The following MYDGF variants were observed in gnomAD, a reference collection of about 807,000 sequenced individuals.
The protein encoded by MYDGF is myeloid-derived growth factor.
MYDGF carries 29 observed loss-of-function variants against 24.2 expected under a neutral mutation model. The ratio of observed to expected loss-of-function variants is 1.20; its 90% CI spans 0.89 to 1.63. The LOEUF (loss-of-function observed/expected upper bound fraction) is 1.63, where lower values mean the gene tolerates loss of function less well. Ranked by LOEUF, MYDGF falls within the 40% of genes most tolerant of loss-of-function variation. The probability of loss-of-function intolerance (pLI) is 0.00; values close to 1 mark genes in which losing one functional copy is unlikely to be tolerated. For missense variants in MYDGF, 245 were observed against 234.8 expected (o/e 1.04, Z -0.29); for synonymous variants, 105 against 102.5 (o/e 1.02, Z -0.15).
intron 3 of MYDGF, among the ~76,000 whole-genome samples, chr19:4,664,416 G>A (rs571131825): frequency 6.6e-6 from 1 of 151,828 alleles, no homozygotes; most frequent in South Asian, 2.1e-4. Flanking sequence ...CTTGAACCCA[G>A]GAGGCGGAGG....
At chr19:4,668,489 T>G (rs1012526654) in intron 2 of MYDGF, 106 bp downstream of exon 2, 1 of 901,922 alleles carries the variant, frequency 1.1e-6, no homozygotes, top group African/African-American at 1.6e-5. Flanking sequence ...ATTCAATGAG[T>G]GTAAGGTGAT....
In MYDGF at chr19:4,670,267, G is replaced by A. The variant is rs778033982; in HGVS notation, c.68C>T (p.Ala23Val). The A allele has an allele frequency of 2.6e-6, 4 of 1,551,032 alleles. No individual in the cohort carries two copies. Among genetic ancestry groups the A allele is most frequent in the East Asian group, 2.6e-5 (1 of 38,608 alleles). The change falls in exon 1 of 6, where the codon GCC (alanine) becomes GTC (valine). Residue 23 changes from alanine to valine, a missense_variant. Ala to Val is a moderately conservative substitution (Grantham distance 64). Coordinates refer to ENST00000262947, the MANE Select transcript of MYDGF (RefSeq NM_019107.4). Reference protein sequence around the residue: ...ASLWAALLLGAVALRPAEAVS... With the variant: ...ASLWAALLLGVVALRPAEAVS... ...CGCCTCCGCCGGCCTCAGCGCCACG[G>A]CCCCTAGGAGCAGCGCGGCCCACAA...
chr19:4,660,587 G>A, intron 4 of MYDGF, 82 bp downstream of exon 4: 1 of 1,298,790 alleles, frequency 7.7e-7, no homozygotes, highest in Non-Finnish European at 1.1e-6. Flanking sequence ...TCCCCATGGA[G>A]CCCTCTTGTG....
At chr19:4,669,738 T>C (rs1568289011) in intron 1 of MYDGF, among the ~76,000 whole-genome samples, 2 of 152,132 alleles carry the variant, frequency 1.3e-5, no homozygotes, top group East Asian at 1.9e-4. Context: ...CCTTGTGCAA[T>C]GGAAGGAAGG....
chr19:4,660,136 T>C (rs1207476197), intron 4 of MYDGF, 133 bp from the exon 5 acceptor site: 4 of 885,936 alleles, frequency 4.5e-6, no homozygotes, highest in Admixed American at 4.2e-5. Context: ...GGAGACTTTT[T>C]TGTTTTTGAG....
At chr19:4,660,789 T>G (rs2088464607) in intron 3 of MYDGF, 39 bp from the exon 4 acceptor site, 1 of 1,575,572 alleles carries the variant, frequency 6.3e-7, no homozygotes. Context: ...AGGCCAGGCC[T>G]GCTGGGTCTG....
chr19:4,662,525 G>A (rs554945496), intron 3 of MYDGF, among the ~76,000 whole-genome samples: 3 of 152,202 alleles, frequency 2.0e-5, no homozygotes, highest in Non-Finnish European at 1.5e-5. Context: ...GAGTGGAGCC[G>A]GGATAAGCCC....
intron 2 of MYDGF, among the ~76,000 whole-genome samples, chr19:4,667,793 G>C (rs1158967965): frequency 6.6e-6 from 1 of 151,950 alleles, no homozygotes; most frequent in East Asian, 1.9e-4. Flanking sequence ...GACCTCCTGG[G>C]CTCAAGCGAT....
At chr19:4,670,116 C>A in intron 1 of MYDGF, 45 bp downstream of exon 1, 2 of 1,434,958 alleles carry the variant, frequency 1.4e-6, no homozygotes, top group Non-Finnish European at 9.2e-7. Flanking sequence ...GCCCCCTCCC[C>A]GGGCCTGCCA....
At chr19:4,663,240 TC>T (rs1330835862) in intron 3 of MYDGF, among the ~76,000 whole-genome samples, 3 of 34,728 alleles carry the variant, frequency 8.6e-5, no homozygotes, top group East Asian at 9.4e-4. Flanking sequence ...CAATCTACCC[TC>T]CCCACCCACC....
chr19:4,664,537 C>T lies in MYDGF; in HGVS notation c.287+339G>A, dbSNP rs570120129. On this transcript the variant is annotated intron_variant, in intron 3 of 5. Coordinates refer to ENST00000262947, the MANE Select transcript of MYDGF (RefSeq NM_019107.4). ...CCAAAAAGCCCTTTGGTGAGTTCGTCTCACCCTTAGGGGAGGGTGGAGCCC... is the reference window on the plus strand; with the variant it reads ...CCAAAAAGCCCTTTGGTGAGTTCGTTTCACCCTTAGGGGAGGGTGGAGCCC... 1.3e-4 allele frequency among the ~76,000 whole-genome samples: 20 copies of T among 152,052 alleles called. 1 individual carries two copies. The highest frequency in any genetic ancestry group is 4.8e-4 in the African/African-American group (20 of 41,500).
Position 4,670,214 on chromosome 19 carries a change from C to G in MYDGF, c.121G>C (p.Asp41His). ...TGCACGACGCCGCCGGGCCGCACGTCAAACGCCACCGTCGTGGGCTCGGAC... is the reference window on the plus strand; with the variant it reads ...TGCACGACGCCGCCGGGCCGCACGTGAAACGCCACCGTCGTGGGCTCGGAC... ...AVSEPTTVAF[D>H]VRPGGVVHSF... Residue 41 changes from aspartate (D) to histidine (H), a missense_variant, in exon 1 of 6, where the codon GAC becomes CAC. Coordinates refer to ENST00000262947, the MANE Select transcript of MYDGF (RefSeq NM_019107.4). The G allele has an allele frequency of 6.4e-7, 1 of 1,564,546 alleles. No individual in the cohort carries two copies. The highest frequency in any genetic ancestry group is 8.6e-7 in the Non-Finnish European group (1 of 1,158,616).
chr19:4,661,567 C>T lies in MYDGF; in HGVS notation c.288-817G>A, dbSNP rs545224314. Among the ~76,000 whole-genome samples, 8 of 151,474 alleles carry T rather than the reference C, an allele frequency of 5.3e-5. No individual in the cohort carries two copies. The East Asian group carries it at 9.7e-4, about 18-fold the overall frequency. ...AAGGAACTGGAGTGGCAGAAGGTGT[C>T]GGAAGGTGACAGCAGGGGATGATGG... On this transcript the variant is annotated intron_variant, in intron 3 of 5. Coordinates refer to ENST00000262947, the MANE Select transcript of MYDGF (RefSeq NM_019107.4).
At chr19:4,663,300 T>C (rs1345775228) in intron 3 of MYDGF, among the ~76,000 whole-genome samples, 3 of 111,460 alleles carry the variant, frequency 2.7e-5, no homozygotes, top group African/African-American at 1.2e-4. Context: ...ACCCATCCCA[T>C]CCTCATTCTA....
Position 4,670,270 on chromosome 19 carries a change from C to A in MYDGF, c.65G>T (p.Gly22Val). The A allele has an allele frequency of 5.8e-6, 9 of 1,550,510 alleles. No individual in the cohort carries two copies. The highest frequency in any genetic ancestry group is 7.8e-6 in the Non-Finnish European group (9 of 1,150,708). Residue 22 changes from glycine to valine, a missense_variant, in exon 1 of 6, where the codon GGG becomes GTG. Coordinates refer to ENST00000262947, the MANE Select transcript of MYDGF (RefSeq NM_019107.4). ...CTCCGCCGGCCTCAGCGCCACGGCC[C>A]CTAGGAGCAGCGCGGCCCACAAGCT... ...GASLWAALLL[G>V]AVALRPAEAV...
At position 4,670,199 on chromosome 19, in the gene MYDGF, C is replaced by A. The variant is rs2088554653; in HGVS notation, c.136G>T (p.Gly46Cys). The part of the protein sequence containing the change: ...TTVAFDVRPG[G>C]VVHSFSHNVG... ...TTATGGGAGAAGGAATGCACGACGCCGCCGGGCCGCACGTCAAACGCCACC... is the reference window on the plus strand; with the variant it reads ...TTATGGGAGAAGGAATGCACGACGCAGCCGGGCCGCACGTCAAACGCCACC... The change falls in exon 1 of 6, where the codon GGC becomes TGC. Residue 46 changes from glycine (G) to cysteine (C), a missense_variant. Transcript: ENST00000262947. 2 of 1,559,414 alleles carry A rather than the reference C, an allele frequency of 1.3e-6. No homozygotes were observed. Among genetic ancestry groups the A allele is most frequent in the Non-Finnish European group, 1.7e-6 (2 of 1,156,156 alleles).
intron 3 of MYDGF, among the ~76,000 whole-genome samples, chr19:4,662,749 G>A (rs2088480525): frequency 6.6e-6 from 1 of 152,038 alleles, no homozygotes; most frequent in South Asian, 2.1e-4. Context: ...AGACCTGCCT[G>A]AGGGGAAACA....
chr19:4,658,170 G>A (rs1416581848), intron 5 of MYDGF, 86 bp from the exon 6 acceptor site: 54 of 1,185,490 alleles, frequency 4.6e-5, no homozygotes, highest in South Asian at 4.3e-4. Flanking sequence ...CATGGTGGGG[G>A]CTAAGCAGGC....
intron 4 of MYDGF, 97 bp downstream of exon 4, chr19:4,660,572 C>T: frequency 1.7e-6 from 2 of 1,185,896 alleles, no homozygotes; most frequent in Non-Finnish European, 1.2e-6. Context: ...CCCCTCTCCT[C>T]CCTGTCCCCA....
Sources: gnomAD v4.1 joint callset for allele counts (sites outside exome capture counted in the v4.1 genomes callset) on GRCh38, gnomAD v4.1.1 for gene constraint, MANE v1.5 for transcripts, NCBI Gene and HGNC (gene_info 2026-07-23, HGNC 2026-07-21) for gene names.